CD48: variants seen among roughly 807,000 people sequenced by gnomAD.
CD48 encodes the protein CD48 molecule, also known as CD48 antigen.
CD48 carries 20 observed loss-of-function variants against 22.0 expected under a neutral mutation model. That is an observed-to-expected ratio of 0.91 (90% confidence interval 0.64 to 1.32). CD48 has a LOEUF of 1.32. Among genes scored for constraint, CD48 ranks in the 40% most tolerant of loss-of-function variants. The pLI is 0.00. For synonymous variants in CD48, 110 were observed against 110.1 expected (o/e 1.00, Z 0.01); for missense variants, 307 against 286.5 (o/e 1.07, Z -0.52).
Position 160,684,875 on chromosome 1 carries a change from C to T in CD48, c.385+12G>A, listed in dbSNP as rs1661934722. The T allele has an allele frequency of 1.2e-6, 2 of 1,613,946 alleles. No individual in the cohort carries two copies. The highest frequency in any genetic ancestry group is 8.5e-7 in the Non-Finnish European group (1 of 1,180,020). ...TGGAGTGGGGATTTGCTCTTTGGCT[C>T]CCCTGACTCACCAAGCACTTGCAGC... On this transcript the variant is annotated intron_variant, in intron 2 of 3. Coordinates refer to ENST00000368046, the MANE Select transcript of CD48 (RefSeq NM_001778.4).
intron 1 of CD48, among the ~76,000 whole-genome samples, chr1:160,710,299 C>T (rs1034509260): frequency 1.3e-5 from 2 of 152,192 alleles, no homozygotes; most frequent in Non-Finnish European, 2.9e-5. Flanking sequence ...TCACTATTTT[C>T]TAATGAAAGT....
chr1:160,708,266 G>T (rs1044117398), intron 1 of CD48, among the ~76,000 whole-genome samples: 3 of 152,090 alleles, frequency 2.0e-5, no homozygotes, highest in Non-Finnish European at 4.4e-5. Flanking sequence ...GACTAAGGAG[G>T]GTAGCAAGTG....
chr1:160,702,180 C>G (rs1022604256), intron 1 of CD48, among the ~76,000 whole-genome samples: 15 of 152,078 alleles, frequency 9.9e-5, no homozygotes, highest in African/African-American at 3.6e-4. Context: ...TAACACCAGG[C>G]CCACTGAACC....
At chr1:160,702,834 T>A (rs1275286479) in intron 1 of CD48, among the ~76,000 whole-genome samples, 3 of 152,194 alleles carry the variant, frequency 2.0e-5, no homozygotes, top group Non-Finnish European at 4.4e-5. Context: ...TTGGACAGAA[T>A]GCATGGCCAT....
chr1:160,711,575 C>T, intron 1 of CD48, 107 bp downstream of exon 1: 1 of 824,418 alleles, frequency 1.2e-6, no homozygotes, highest in Middle Eastern at 3.2e-4. Flanking sequence ...TACCTGCTTT[C>T]CAGACACCAG....
chr1:160,689,974 T>C (rs1347822223), intron 1 of CD48, among the ~76,000 whole-genome samples: 1 of 152,210 alleles, frequency 6.6e-6, no homozygotes, highest in African/African-American at 2.4e-5. Context: ...TTAGGAACAT[T>C]TAAAAAATTT....
chr1:160,681,487 T>C lies in CD48; in HGVS notation c.386-19A>G. 2 of 1,610,670 alleles carry C rather than the reference T, an allele frequency of 1.2e-6. No individual in the cohort carries two copies. Among genetic ancestry groups the C allele is most frequent in the South Asian group, 2.2e-5 (2 of 90,600 alleles). ...ACAGGGTCTGAAAGTGAGGAGGATG[T>C]TATAAGATGAGACAGTGAGGCATTC... is the stretch of plus-strand genomic sequence containing the variant. On this transcript the variant is annotated intron_variant, in intron 2 of 3. Coordinates refer to ENST00000368046, the MANE Select transcript of CD48 (RefSeq NM_001778.4).
intron 3 of CD48, among the ~76,000 whole-genome samples, 160 bp from the exon 4 acceptor site, chr1:160,679,291 C>T (rs1443560725): frequency 4.6e-5 from 7 of 152,200 alleles, no homozygotes; most frequent in Non-Finnish European, 8.8e-5. Flanking sequence ...TTCTTTTCCT[C>T]AATCTCCCCA....
chr1:160,682,288 A>C (rs1315680870), intron 2 of CD48, among the ~76,000 whole-genome samples: 3 of 151,302 alleles, frequency 2.0e-5, no homozygotes. Flanking sequence ...GTTTCTAAAA[A>C]AAAAAAAGAA....
intron 1 of CD48, among the ~76,000 whole-genome samples, chr1:160,699,974 A>T (rs1662574849): frequency 6.6e-6 from 1 of 152,054 alleles, no homozygotes; most frequent in Non-Finnish European, 1.5e-5. Context: ...GTTCCACCTT[A>T]TGAGAAACAC....
intron 1 of CD48, among the ~76,000 whole-genome samples, chr1:160,706,972 T>C (rs967029440): frequency 5.3e-5 from 8 of 152,208 alleles, no homozygotes; most frequent in African/African-American, 1.7e-4. Context: ...ACAAAACACA[T>C]GGTTTCTAGT....
rs977052295 is a variant in CD48, at chr1:160,683,273, C to T, written c.385+1614G>A. Among the ~76,000 whole-genome samples the T allele has an allele frequency of 5.9e-5, 9 of 152,192 alleles. 1 individual carries two copies. The East Asian group carries it at 9.6e-4, about 16-fold the overall frequency. Reference sequence around the variant, plus strand: ...TGAGCCAGCTTGGGTTGTCCAGCTCCAAGATGCTCGCTTTGAGCTGTCAGA... The same window carrying T: ...TGAGCCAGCTTGGGTTGTCCAGCTCTAAGATGCTCGCTTTGAGCTGTCAGA... On this transcript the variant is annotated intron_variant, in intron 2 of 3. Transcript: ENST00000368046.
chr1:160,703,197 CAG>C (rs1202311195), intron 1 of CD48, among the ~76,000 whole-genome samples: 1 of 152,128 alleles, frequency 6.6e-6, no homozygotes, highest in Non-Finnish European at 1.5e-5. Flanking sequence ...TTCTGACCAC[CAG>C]GTATGGAATA....
chr1:160,684,894 T>G lies in CD48; in HGVS notation c.378A>C (p.Gln126His). 6.2e-7 allele frequency: 1 copy of G among 1,614,138 alleles called. No homozygotes were observed. The highest frequency in any genetic ancestry group is 2.2e-5 in the East Asian group (1 of 44,870). Residue 126 changes from glutamine (Q) to histidine (H), a missense_variant, in exon 2 of 4, where the codon CAA (glutamine) becomes CAC (histidine). Gln to His is a conservative substitution (Grantham distance 24). Coordinates refer to ENST00000368046, the MANE Select transcript of CD48 (RefSeq NM_001778.4). ...TTGGCTCCCCTGACTCACCAAGCAC[T>G]TGCAGCTTGATCTTCCATTCTTGCT... ...GNEQEWKIKLQVLDPVPKPVI... is the reference protein window; with the variant it reads ...GNEQEWKIKLHVLDPVPKPVI...
In CD48 at chr1:160,685,206, G is replaced by T. The variant is rs541626951; in HGVS notation, c.83-17C>A. 1 of 1,590,230 alleles carries T rather than the reference G, an allele frequency of 6.3e-7. No individual in the cohort carries two copies. Among genetic ancestry groups the T allele is most frequent in the Non-Finnish European group, 8.6e-7 (1 of 1,164,602 alleles). On this transcript the variant is annotated splice_polypyrimidine_tract_variant and intron_variant, in intron 1 of 3. Coordinates refer to ENST00000368046, the MANE Select transcript of CD48 (RefSeq NM_001778.4). Reference sequence around the variant, plus strand: ...CCAAGTGACCTGCCAATGAGATTCAGAGTGAGACCTGCGCTAGAGGAGGCA... The same window carrying T: ...CCAAGTGACCTGCCAATGAGATTCATAGTGAGACCTGCGCTAGAGGAGGCA...
chr1:160,681,222 A>G lies in CD48; in HGVS notation c.632T>C (p.Leu211Pro), dbSNP rs1265609238. The G allele has an allele frequency of 6.2e-7, 1 of 1,614,050 alleles. No individual in the cohort carries two copies. Among genetic ancestry groups the G allele is most frequent in the Non-Finnish European group, 8.5e-7 (1 of 1,180,018 alleles). The stretch of plus-strand genomic sequence containing the variant: ...CTTACCCAGGGTACAGGGTGGACTG[A>G]GGCAGACCGTGCCATTCTTGCTGCT... ...SVSSKNGTVC[L>P]SPPCTLARSF... The change falls in exon 3 of 4, where the codon CTC becomes CCC. Residue 211 changes from leucine (L) to proline (P), a missense_variant. Physicochemically the swap from Leu to Pro is moderately conservative, Grantham distance 98. Coordinates refer to ENST00000368046, the MANE Select transcript of CD48 (RefSeq NM_001778.4).
intron 1 of CD48, among the ~76,000 whole-genome samples, chr1:160,685,897 G>A (rs1208959733): frequency 1.3e-5 from 2 of 152,208 alleles, no homozygotes; most frequent in Non-Finnish European, 2.9e-5. Context: ...AGTATGGACA[G>A]TCATGGAGAA....
intron 1 of CD48, among the ~76,000 whole-genome samples, chr1:160,702,459 T>C (rs907419566): frequency 5.3e-5 from 8 of 152,122 alleles, no homozygotes; most frequent in African/African-American, 1.9e-4. Flanking sequence ...GTCGGGTCCA[T>C]CCCAGGCCCC....
chr1:160,681,616 G>C, intron 2 of CD48, 148 bp from the exon 3 acceptor site: 2 of 1,028,310 alleles, frequency 1.9e-6, no homozygotes, highest in Non-Finnish European at 2.8e-6. Flanking sequence ...GAGGGAGCCA[G>C]TGAGCAGCCT....
Sources: allele counts gnomAD v4.1 joint callset (sites outside exome capture counted in the v4.1 genomes callset), GRCh38; gene constraint gnomAD v4.1.1; transcripts MANE v1.5; gene names NCBI Gene and HGNC (gene_info 2026-07-23, HGNC 2026-07-21).